GREM2: variants seen among roughly 807,000 people sequenced by gnomAD.
GREM2 encodes the protein gremlin 2, DAN family BMP antagonist.
Under a neutral mutation model 14.2 loss-of-function variants are expected in GREM2, and 11 were observed. The observed-to-expected ratio is 0.78, with a 90% CI of 0.49 to 1.28. The LOEUF (loss-of-function observed/expected upper bound fraction) is 1.28, where lower values mean the gene tolerates loss of function less well. GREM2 is among the 50% of genes most tolerant of loss of function. The pLI is 0.00. For synonymous variants in GREM2, 98 were observed against 97.6 expected, an observed-to-expected ratio of 1.00 and a Z score of -0.02; for missense variants, 210 against 218.5, an observed-to-expected ratio of 0.96 and a Z score of 0.24.
intron 1 of GREM2, chr1:240,588,647 GA>G (rs1160504077): frequency 6.6e-6 from 1 of 152,192 alleles, no homozygotes; most frequent in Non-Finnish European, 1.5e-5. Context: ...AGTAGAGCCT[GA>G]ACCGGAACCT....
chr1:240,600,574 C>T (rs1679902308), intron 1 of GREM2, among the ~76,000 whole-genome samples: 1 of 152,110 alleles, frequency 6.6e-6, no homozygotes, highest in Non-Finnish European at 1.5e-5. Flanking sequence ...ACCTCCACCT[C>T]CCAGGCTCAA....
chr1:240,525,005 C>T (rs1678190717), intron 1 of GREM2, among the ~76,000 whole-genome samples: 1 of 151,084 alleles, frequency 6.6e-6, no homozygotes, highest in Non-Finnish European at 1.5e-5. Flanking sequence ...CACACATTGA[C>T]TGTGAGCCTT....
intron 1 of GREM2, among the ~76,000 whole-genome samples, chr1:240,585,336 A>C (rs567495502): frequency 6.6e-4 from 100 of 152,260 alleles, no homozygotes; most frequent in African/African-American, 2.2e-3. Context: ...TCTGCAACTC[A>C]GCTGTGACCA....
intron 1 of GREM2, among the ~76,000 whole-genome samples, chr1:240,546,373 G>A (rs1034951127): frequency 3.3e-5 from 5 of 151,196 alleles, no homozygotes; most frequent in African/African-American, 1.2e-4. Context: ...AGAAAATTTT[G>A]TTGCTTATTC....
Position 240,531,659 on chromosome 1 carries a change from G to A in GREM2, c.-1-38183C>T, listed in dbSNP as rs1483653936. On this transcript the variant is annotated intron_variant, in intron 1 of 1. Transcript: ENST00000318160. ...CCTGCAAGGCGTCTGCCTGCTCCCTGACGTGGACTCAGCTCTGAGTGCTCT... is the reference window on the plus strand; with the variant it reads ...CCTGCAAGGCGTCTGCCTGCTCCCTAACGTGGACTCAGCTCTGAGTGCTCT... 7 of 985,164 alleles carry A rather than the reference G, an allele frequency of 7.1e-6. No individual in the cohort carries two copies. In the Admixed American group the frequency reaches 1.8e-4, roughly 26 times the overall value. The allele number at this position is 985,164 out of a possible 1,614,324, so 61.0% of individuals were successfully genotyped here.
intron 1 of GREM2, among the ~76,000 whole-genome samples, chr1:240,519,205 A>G (rs931846768): frequency 9.8e-5 from 15 of 152,364 alleles, no homozygotes; most frequent in African/African-American, 2.9e-4. Flanking sequence ...GTGTCCGCAC[A>G]ACAAATGCTC....
rs527353028 is a variant in GREM2 at position 240,524,984 on chromosome 1, C to T, written c.-1-31508G>A. On this transcript the variant is annotated intron_variant, in intron 1 of 1. Transcript: ENST00000318160. ...GTCCCAGCTACTGAGACACCGTGAC[C>T]TTGGGCAGTTCACACATTGACTGTG... 1.5e-4 allele frequency among the ~76,000 whole-genome samples: 23 copies of T among 152,260 alleles called. No homozygotes were observed. In the South Asian group the frequency reaches 4.8e-3, roughly 32 times the overall value.
intron 1 of GREM2, among the ~76,000 whole-genome samples, chr1:240,554,886 G>A (rs184704266): frequency 6.6e-6 from 1 of 152,306 alleles, no homozygotes; most frequent in East Asian, 1.9e-4. Flanking sequence ...GCTCACGCCT[G>A]TAATTCCAGC....
chr1:240,515,959 T>C (rs889089519), intron 1 of GREM2, among the ~76,000 whole-genome samples: 71 of 152,084 alleles, frequency 4.7e-4, no homozygotes, highest in African/African-American at 1.6e-3. Flanking sequence ...TCCTAAAGGT[T>C]TCTAGATCTC....
At chr1:240,496,743 C>T (rs1359602395) in intron 1 of GREM2, among the ~76,000 whole-genome samples, 3 of 152,172 alleles carry the variant, frequency 2.0e-5, no homozygotes, top group African/African-American at 2.4e-5. Flanking sequence ...GGCTCAGCGG[C>T]TCATGCCTGT....
intron 1 of GREM2, among the ~76,000 whole-genome samples, chr1:240,499,039 G>A (rs1050485921): frequency 6.6e-6 from 1 of 152,196 alleles, no homozygotes; most frequent in African/African-American, 2.4e-5. Context: ...GGACTGCACA[G>A]GCCAAAGCAA....
intron 1 of GREM2, among the ~76,000 whole-genome samples, chr1:240,569,038 A>T (rs1448111675): frequency 6.6e-6 from 1 of 152,156 alleles, no homozygotes; most frequent in African/African-American, 2.4e-5. Context: ...TGGGTGACGG[A>T]GTGAAATCTC....
intron 1 of GREM2, among the ~76,000 whole-genome samples, chr1:240,575,065 C>T (rs987595135): frequency 6.6e-6 from 1 of 151,848 alleles, no homozygotes; most frequent in Non-Finnish European, 1.5e-5. Context: ...CAAGATCGCA[C>T]CACTGCATTC....
chr1:240,503,728 T>G (rs542737524), intron 1 of GREM2, among the ~76,000 whole-genome samples: 1 of 152,330 alleles, frequency 6.6e-6, no homozygotes, highest in South Asian at 2.1e-4. Context: ...TGTTAGTCAC[T>G]TAGGCTTCAA....
At chr1:240,532,051 G>A (rs1254740588) in intron 1 of GREM2, among the ~76,000 whole-genome samples, 3 of 151,854 alleles carry the variant, frequency 2.0e-5, no homozygotes, top group Non-Finnish European at 4.4e-5. Context: ...TATATAAAAA[G>A]TGAGGATTTG....
chr1:240,587,072 T>C (rs1679613888), intron 1 of GREM2, among the ~76,000 whole-genome samples: 1 of 152,194 alleles, frequency 6.6e-6, no homozygotes, highest in Admixed American at 6.5e-5. Flanking sequence ...TTGGGTCTGA[T>C]TATTTTTTCC....
In GREM2 at chr1:240,524,238, C is replaced by G. The variant is rs1340961395; in HGVS notation, c.-1-30762G>C. Among the ~76,000 whole-genome samples the G allele has an allele frequency of 1.2e-4, 18 of 152,210 alleles. 1 individual carries two copies. The highest frequency in any genetic ancestry group is 1.2e-3 in the Admixed American group (18 of 15,288). On this transcript the variant is annotated intron_variant, in intron 1 of 1. Transcript: ENST00000318160. ...AAATGTTGCCAGGTTGGTATGAACT[C>G]CTTGCCTCAAGTGATCCTCCCATCT...
At chr1:240,589,428 T>C (rs1166516141) in intron 1 of GREM2, among the ~76,000 whole-genome samples, 1 of 142,964 alleles carries the variant, frequency 7.0e-6, no homozygotes, top group African/African-American at 2.6e-5. Flanking sequence ...AAAGCGAAAC[T>C]CCATCTCAGA....
At chr1:240,533,699 A>G (rs532584590) in intron 1 of GREM2, among the ~76,000 whole-genome samples, 2 of 152,226 alleles carry the variant, frequency 1.3e-5, no homozygotes, top group South Asian at 2.1e-4. Flanking sequence ...GATCTGAGAG[A>G]TATTTGGAGG....
Sources: allele counts gnomAD v4.1 joint callset (sites outside exome capture counted in the v4.1 genomes callset), GRCh38; gene constraint gnomAD v4.1.1; transcripts MANE v1.5; gene names NCBI Gene and HGNC (gene_info 2026-07-23, HGNC 2026-07-21).